ERCC2: variants seen among roughly 807,000 people sequenced by gnomAD.
ERCC2 encodes general transcription and DNA repair factor IIH helicase subunit XPD.
A neutral mutation model predicts 99.4 loss-of-function variants in ERCC2; 90 were observed. The observed-to-expected ratio is 0.91, with a 90% CI of 0.76 to 1.08. ERCC2 has a LOEUF of 1.08. Among genes scored for constraint, ERCC2 ranks in the 50% least tolerant of loss-of-function variants. The pLI, the probability that ERCC2 is intolerant of heterozygous loss-of-function variation, is 0.00. For synonymous variants in ERCC2, 497 were observed against 432.4 expected, an observed-to-expected ratio of 1.15 and a Z score of -1.85; for missense variants, 993 against 1,038.1, an observed-to-expected ratio of 0.96 and a Z score of 0.60.
Position 45,350,796 on chromosome 19 carries a change from C to A in ERCC2, c.*833G>T. The stretch of plus-strand genomic sequence containing the variant: ...AGAGCCCTGACATCAGCAGAATCCA[C>A]AGCCCACCCCACCCCCACCCCCATC... On this transcript the variant is annotated 3_prime_UTR_variant, in exon 23 of 23. Transcript: ENST00000391945. 1.4e-6 allele frequency: 2 copies of A among 1,478,488 alleles called. No homozygotes were observed. The highest frequency in any genetic ancestry group is 1.9e-5 in the Admixed American group (1 of 52,610). The allele number at this position is 1,478,488 out of a possible 1,614,324, so 91.6% of individuals were successfully genotyped here. A position where few individuals can be genotyped will look rare whatever the true frequency, so the allele number is the denominator to read the frequency against.
chr19:45,350,706 G>T lies in ERCC2; in HGVS notation c.*923C>A, dbSNP rs774787128. Reference sequence around the variant, plus strand: ...CTATCAGGCGAGGAAGTGAGAAGCTGGTCTCCCGGCTCCGAGGCGAGGCGG... The same window carrying T: ...CTATCAGGCGAGGAAGTGAGAAGCTTGTCTCCCGGCTCCGAGGCGAGGCGG... On this transcript the variant is annotated 3_prime_UTR_variant, in exon 23 of 23. Transcript: ENST00000391945. 6.2e-7 allele frequency: 1 copy of T among 1,613,638 alleles called. No homozygotes were observed. Among genetic ancestry groups the T allele is most frequent in the Non-Finnish European group, 8.5e-7 (1 of 1,179,904 alleles).
chr19:45,359,390 C>T (rs892762855), intron 12 of ERCC2, among the ~76,000 whole-genome samples: 2 of 152,286 alleles, frequency 1.3e-5, no homozygotes, highest in Non-Finnish European at 1.5e-5. Context: ...GGGCAAGGGC[C>T]CAGATCTCCA....
At position 45,363,976 on chromosome 19, in the gene ERCC2, C is replaced by T; in HGVS notation, c.949+10G>A. ...AAGGGACTGGGGGGCAGCGGGGGGT[C>T]GGGGCTCACCCTGCAGCACTTCGTC... On this transcript the variant is annotated intron_variant, in intron 10 of 22. Coordinates refer to ENST00000391945, the MANE Select transcript of ERCC2 (RefSeq NM_000400.4). The T allele has an allele frequency of 2.0e-6, 3 of 1,538,362 alleles. No individual in the cohort carries two copies. Among genetic ancestry groups the T allele is most frequent in the East Asian group, 2.4e-5 (1 of 41,018 alleles).
intron 7 of ERCC2, 111 bp downstream of exon 7, chr19:45,364,727 G>A (rs1423343463): frequency 8.2e-6 from 10 of 1,220,982 alleles, no homozygotes; most frequent in African/African-American, 3.0e-5. Flanking sequence ...ACAGGGAGAT[G>A]CAGACAGGCA....
chr19:45,361,678 G>A (rs766737875), intron 11 of ERCC2, 36 bp from the exon 12 acceptor site: 31 of 1,464,602 alleles, frequency 2.1e-5, no homozygotes, highest in Middle Eastern at 3.5e-4. Context: ...GGGGGCAGAC[G>A]GAAGCATGAG....
Position 45,351,328 on chromosome 19 carries a change from G to A in ERCC2, c.*301C>T, listed in dbSNP as rs368153383. The A allele has an allele frequency of 7.4e-5, 119 of 1,611,906 alleles. No individual in the cohort carries two copies. Among genetic ancestry groups the A allele is most frequent in the Admixed American group, 2.0e-4 (12 of 59,982 alleles). ...GGACAAGGCCCCTCGGACCCTCAGC[G>A]CCAGCACCCAGGACCTGAGCCCCCA... On this transcript the variant is annotated 3_prime_UTR_variant, in exon 23 of 23. Coordinates refer to ENST00000391945, the MANE Select transcript of ERCC2 (RefSeq NM_000400.4).
Position 45,353,145 on chromosome 19 carries a change from T to C in ERCC2, c.1769A>G (p.Asn590Ser). The change falls in exon 19 of 23, where the codon AAT becomes AGT. Residue 590 changes from asparagine (N) to serine (S), a missense_variant. This residue lies in a region of ERCC2 where 909 missense variants were observed against 930.8 expected (regional missense o/e 0.98). Coordinates refer to ENST00000391945, the MANE Select transcript of ERCC2 (RefSeq NM_000400.4). ...TGACAGCAGGATGGCCCCGCGGCCA[T>C]TCTCGCAGGCCTGAGGTGGGGAGAC... The part of the protein sequence containing the change: ...ALEKYQEACE[N>S]GRGAILLSVA... The C allele has an allele frequency of 1.2e-6, 2 of 1,613,832 alleles. No homozygotes were observed. Among genetic ancestry groups the C allele is most frequent in the South Asian group, 1.1e-5 (1 of 91,068 alleles).
chr19:45,350,698 G>GAGA lies in ERCC2; in HGVS notation c.*928_*930dup, dbSNP rs754802873. On this transcript the variant is annotated 3_prime_UTR_variant, in exon 23 of 23. Coordinates refer to ENST00000391945, the MANE Select transcript of ERCC2 (RefSeq NM_000400.4). ...CCGTGAGTCTATCAGGCGAGGAAGT[G>GAGA]AGAAGCTGGTCTCCCGGCTCCGAGG... 3 of 1,613,572 alleles carry GAGA rather than the reference G, an allele frequency of 1.9e-6. No individual in the cohort carries two copies. The highest frequency in any genetic ancestry group is 2.2e-5 in the South Asian group (2 of 91,012).
intron 12 of ERCC2, chr19:45,358,448 C>T (rs1972090033): frequency 7.2e-6 from 2 of 276,646 alleles, no homozygotes; most frequent in Non-Finnish European, 1.4e-5. Context: ...CTGGACCCAT[C>T]ATCCCCTGCT....
rs746880023 is a variant in ERCC2 at position 45,364,339 on chromosome 19, A to AG, written c.719-9dup. 1.9e-6 allele frequency: 3 copies of AG among 1,613,878 alleles called. No individual in the cohort carries two copies. The highest frequency in any genetic ancestry group is 2.5e-6 in the Non-Finnish European group (3 of 1,179,976). On this transcript the variant is annotated splice_polypyrimidine_tract_variant and intron_variant, in intron 8 of 22. Transcript: ENST00000391945. ...AGTCGATGCAGACGTTGTCTGGAGA[A>AG]GGGGGAGAGAGCCGGCTCAGGCAGG...
In ERCC2 at chr19:45,368,661, C is replaced by G. The variant is rs1278299178; in HGVS notation, c.329G>C (p.Ser110Thr). 1 of 1,614,074 alleles carries G rather than the reference C, an allele frequency of 6.2e-7. No homozygotes were observed. The highest frequency in any genetic ancestry group is 1.1e-5 in the South Asian group (1 of 91,080). The part of the protein sequence containing the change: ...EKLPFLGLAL[S>T]SRKNLCIHPE... The stretch of plus-strand genomic sequence containing the variant: ...GTGAATACACAAGTTTTTGCGGGAG[C>G]TCAGAGCCAGTCCCAGAAACGGCAG... Residue 110 changes from serine to threonine, a missense_variant, in exon 5 of 23, where the codon AGC (serine) becomes ACC (threonine). Around this residue, in one of 3 missense-constraint regions of ERCC2, gnomAD observed 909 missense variants for 930.8 expected, o/e 0.98. Transcript: ENST00000391945.
chr19:45,367,840 AATG>A (rs1172038832), intron 5 of ERCC2, among the ~76,000 whole-genome samples: 3 of 151,816 alleles, frequency 2.0e-5, no homozygotes, highest in East Asian at 1.9e-4. Context: ...AGCATAATTT[AATG>A]ATAACTAATA....
intron 5 of ERCC2, among the ~76,000 whole-genome samples, 188 bp from the exon 6 acceptor site, chr19:45,365,346 GTGGCTCACGCC>G (rs1378274131): frequency 8.5e-5 from 13 of 152,236 alleles, no homozygotes; most frequent in Non-Finnish European, 1.6e-4. Flanking sequence ...GCTGGGCGCG[GTGGCTCACGCC>G]TGTAATCCCA....
intron 12 of ERCC2, 32 bp from the exon 13 acceptor site, chr19:45,357,731 AC>A (rs3916852): frequency 6.3e-7 from 1 of 1,594,160 alleles, no homozygotes; most frequent in South Asian, 1.1e-5. Flanking sequence ...GGGTGAGATT[AC>A]CCCACTACAG....
chr19:45,351,310 GC>G lies in ERCC2; in HGVS notation c.*318del. The G allele has an allele frequency of 6.2e-7, 1 of 1,612,476 alleles. No homozygotes were observed. On this transcript the variant is annotated 3_prime_UTR_variant, in exon 23 of 23. Transcript: ENST00000391945. ...GTTTCCCAGCTGGCACCTGGACAAG[GC>G]CCCTCGGACCCTCAGCGCCAGCACC...
chr19:45,368,142 G>C (rs1307957056), intron 5 of ERCC2, among the ~76,000 whole-genome samples: 2 of 152,088 alleles, frequency 1.3e-5, no homozygotes, highest in Non-Finnish European at 2.9e-5. Flanking sequence ...CCAAAGTGCT[G>C]GGACTACAAG....
intron 7 of ERCC2, 34 bp from the exon 8 acceptor site, chr19:45,364,581 T>C (rs2123293125): frequency 6.2e-7 from 1 of 1,610,422 alleles, no homozygotes; most frequent in South Asian, 1.1e-5. Context: ...ACCAGGGCCC[T>C]GCCACCCCAA....
Position 45,370,561 on chromosome 19 carries a change from G to A in ERCC2, c.-21C>T, listed in dbSNP as rs1253107579. 6.3e-7 allele frequency: 1 copy of A among 1,591,560 alleles called. No individual in the cohort carries two copies. Among genetic ancestry groups the A allele is most frequent in the Admixed American group, 1.7e-5 (1 of 58,890 alleles). On this transcript the variant is annotated 5_prime_UTR_variant, in exon 1 of 23. Coordinates refer to ENST00000391945, the MANE Select transcript of ERCC2 (RefSeq NM_000400.4). ...TTCATGGCGCCGGCCGGACTGTGCA[G>A]CGGGGTCGACCCGCCTCCCTCATGA...
At chr19:45,352,173 C>G in intron 22 of ERCC2, 36 bp downstream of exon 22, 1 of 1,610,538 alleles carries the variant, frequency 6.2e-7, no homozygotes, top group African/African-American at 1.3e-5. Context: ...AGAAGCTCAG[C>G]CTGGGAGGGT....
Sources: allele counts gnomAD v4.1 joint callset (sites outside exome capture counted in the v4.1 genomes callset), GRCh38; gene constraint gnomAD v4.1.1; regional missense constraint gnomAD v4.1.1; transcripts MANE v1.5; gene names NCBI Gene and HGNC (gene_info 2026-07-23, HGNC 2026-07-21).